CMSS1: variants seen among roughly 807,000 people sequenced by gnomAD.
The protein encoded by CMSS1 is protein CMSS1.
In CMSS1, 33 loss-of-function variants were observed where a neutral mutation model predicts 43.5. The observed-to-expected ratio is 0.76, with a 90% CI of 0.57 to 1.01. The LOEUF (loss-of-function observed/expected upper bound fraction) is 1.01. CMSS1 is among the 50% of genes least tolerant of loss of function. CMSS1 has a pLI of 0.00. For synonymous variants in CMSS1, 115 were observed against 117.2 expected (o/e 0.98, Z 0.12); for missense variants, 313 against 326.4 (o/e 0.96, Z 0.32).
At chr3:100,091,259 T>G (rs2066102178) in intron 1 of CMSS1, among the ~76,000 whole-genome samples, 1 of 131,792 alleles carries the variant, frequency 7.6e-6, no homozygotes, top group African/African-American at 3.0e-5. Flanking sequence ...CACTCCAGAC[T>G]AGGCGACAGA....
chr3:99,860,557 T>C (rs1944197466), intron 1 of CMSS1, among the ~76,000 whole-genome samples: 1 of 152,016 alleles, frequency 6.6e-6, no homozygotes, highest in Admixed American at 6.6e-5. Flanking sequence ...AGTCTGAGGG[T>C]CCACAGGCAC....
intron 1 of CMSS1, among the ~76,000 whole-genome samples, chr3:100,034,332 A>G (rs893834532): frequency 6.6e-6 from 1 of 152,206 alleles, no homozygotes; most frequent in East Asian, 1.9e-4. Flanking sequence ...GGCAGCAGTA[A>G]GAAGTTATTT....
At chr3:100,007,651 G>C (rs1243289271) in intron 1 of CMSS1, among the ~76,000 whole-genome samples, 1 of 152,180 alleles carries the variant, frequency 6.6e-6, no homozygotes, top group African/African-American at 2.4e-5. Context: ...TGCATTTCAA[G>C]GTCAACCTTT....
intron 1 of CMSS1, among the ~76,000 whole-genome samples, chr3:100,131,375 T>C (rs1381950057): frequency 6.6e-6 from 1 of 152,228 alleles, no homozygotes; most frequent in Non-Finnish European, 1.5e-5. Flanking sequence ...CCACGGGCAA[T>C]ACACTCATCT....
At chr3:99,851,310 A>C (rs1943686766) in intron 1 of CMSS1, among the ~76,000 whole-genome samples, 1 of 152,186 alleles carries the variant, frequency 6.6e-6, no homozygotes, top group African/African-American at 2.4e-5. Flanking sequence ...CCTTAGTAAA[A>C]GAGTAAGGGC....
At chr3:99,947,171 C>T (rs1465336675) in intron 1 of CMSS1, among the ~76,000 whole-genome samples, 2 of 147,566 alleles carry the variant, frequency 1.4e-5, no homozygotes, top group Non-Finnish European at 3.0e-5. Context: ...ATAATATATT[C>T]AGCACTGAAA....
At chr3:100,165,251 C>G (rs1490452490) in intron 4 of CMSS1, among the ~76,000 whole-genome samples, 1 of 152,142 alleles carries the variant, frequency 6.6e-6, no homozygotes, top group Non-Finnish European at 1.5e-5. Flanking sequence ...GAATTACTCA[C>G]TTAATGAGTT....
intron 6 of CMSS1, among the ~76,000 whole-genome samples, chr3:100,169,142 TA>T (rs1347529610): frequency 6.6e-6 from 1 of 152,086 alleles, no homozygotes; most frequent in Non-Finnish European, 1.5e-5. Context: ...TCTGGAAAAA[TA>T]AAGTTGGATT....
intron 1 of CMSS1, among the ~76,000 whole-genome samples, chr3:100,057,044 TG>T (rs1180736521): frequency 6.6e-6 from 1 of 151,998 alleles, no homozygotes; most frequent in Non-Finnish European, 1.5e-5. Flanking sequence ...CCCACAACTT[TG>T]GGGTAGCTCT....
chr3:100,084,680 C>T (rs890772019), intron 1 of CMSS1, among the ~76,000 whole-genome samples: 2 of 152,140 alleles, frequency 1.3e-5, no homozygotes, highest in African/African-American at 4.8e-5. Flanking sequence ...TTGTCACTTA[C>T]GTATAAACAT....
intron 1 of CMSS1, among the ~76,000 whole-genome samples, chr3:100,091,112 C>T (rs1403712860): frequency 2.0e-5 from 3 of 151,208 alleles, no homozygotes; most frequent in Non-Finnish European, 4.4e-5. Flanking sequence ...GGTGAAACCC[C>T]GTCTCTACTA....
chr3:99,871,781 T>G (rs1245098614), intron 1 of CMSS1, among the ~76,000 whole-genome samples: 1 of 152,182 alleles, frequency 6.6e-6, no homozygotes, highest in Admixed American at 6.5e-5. Flanking sequence ...GTACACAGTC[T>G]TTCCAGGGCA....
intron 1 of CMSS1, among the ~76,000 whole-genome samples, chr3:99,984,048 A>G (rs116732515): frequency 6.6e-4 from 98 of 147,682 alleles, no homozygotes; most frequent in South Asian, 1.5e-3. Context: ...AAGGATGTAT[A>G]TGTATGTGTG....
intron 1 of CMSS1, among the ~76,000 whole-genome samples, chr3:100,131,303 G>C (rs1000659856): frequency 6.6e-6 from 1 of 152,188 alleles, no homozygotes; most frequent in Non-Finnish European, 1.5e-5. Context: ...CCGTGCTATA[G>C]TAATTTACAG....
At chr3:100,035,828 A>G (rs1054218727) in intron 1 of CMSS1, among the ~76,000 whole-genome samples, 3 of 152,322 alleles carry the variant, frequency 2.0e-5, no homozygotes, top group Non-Finnish European at 1.5e-5. Context: ...CAACTTTGTT[A>G]CATCTTTATT....
intron 1 of CMSS1, among the ~76,000 whole-genome samples, chr3:100,034,085 A>T (rs1160209778): frequency 6.6e-6 from 1 of 152,206 alleles, no homozygotes. Context: ...TAATACACTT[A>T]AGAAAAGAAG....
At chr3:100,166,247 A>G (rs1270779324) in intron 4 of CMSS1, 88 bp from the exon 5 acceptor site, 1 of 863,396 alleles carries the variant, frequency 1.2e-6, no homozygotes, top group Non-Finnish European at 1.9e-6. Flanking sequence ...TTACAACCTT[A>G]TACATCACTC....
At chr3:99,881,274 C>T (rs960669751) in intron 1 of CMSS1, among the ~76,000 whole-genome samples, 3 of 152,170 alleles carry the variant, frequency 2.0e-5, no homozygotes, top group Non-Finnish European at 2.9e-5. Context: ...AAGTCTGTTA[C>T]TTAGGTCCAG....
intron 1 of CMSS1, chr3:99,848,178 G>A (rs1233837287): frequency 6.5e-6 from 10 of 1,537,460 alleles, no homozygotes; most frequent in Admixed American, 6.0e-5. Context: ...CCCAAAGTAC[G>A]AGTTCAGTCA....
Sources: gnomAD v4.1 joint callset for allele counts (sites outside exome capture counted in the v4.1 genomes callset) on GRCh38, gnomAD v4.1.1 for gene constraint, MANE v1.5 for transcripts, NCBI Gene and HGNC (gene_info 2026-07-23, HGNC 2026-07-21) for gene names.